The following CCDC102B variants were observed in gnomAD, a reference collection of about 807,000 sequenced individuals.
CCDC102B encodes the protein coiled-coil domain containing 102B, also known as coiled-coil domain-containing protein 102B.
A neutral mutation model predicts 57.4 loss-of-function variants in CCDC102B; 75 were observed. The observed-to-expected ratio is 1.31, with a 90% confidence interval of 1.08 to 1.58. The LOEUF (loss-of-function observed/expected upper bound fraction) is 1.58, where lower values mean the gene tolerates loss of function less well. CCDC102B is among the 40% of genes most tolerant of loss of function. CCDC102B has a pLI of 0.00. For synonymous variants in CCDC102B, 206 were observed against 201.9 expected (o/e 1.02, Z -0.17); for missense variants, 636 against 582.6 (o/e 1.09, Z -0.94).
At chr18:68,959,569 G>GC (rs1487397704) in intron 6 of CCDC102B, among the ~76,000 whole-genome samples, 1 of 152,096 alleles carries the variant, frequency 6.6e-6, no homozygotes, top group Non-Finnish European at 1.5e-5. Context: ...CTCTAGCCAG[G>GC]CTTGTGTCCT....
intron 6 of CCDC102B, among the ~76,000 whole-genome samples, chr18:68,911,568 C>G (rs12967566): frequency 2.1e-5 from 3 of 144,032 alleles, no homozygotes; most frequent in Non-Finnish European, 4.6e-5. Context: ...CTGGCTAACA[C>G]GGTGAAACCC....
At chr18:69,036,993 G>T (rs546126528) in intron 7 of CCDC102B, among the ~76,000 whole-genome samples, 1 of 140,826 alleles carries the variant, frequency 7.1e-6, no homozygotes, top group Admixed American at 7.3e-5. Context: ...GTTGTATGTT[G>T]TGTATGTGTA....
chr18:68,862,428 C>A (rs2038801116), intron 4 of CCDC102B, among the ~76,000 whole-genome samples: 5 of 152,066 alleles, frequency 3.3e-5, no homozygotes, highest in South Asian at 4.2e-4. Flanking sequence ...TTTAAAAAAA[C>A]CATTTGAATC....
chr18:68,940,024 A>G (rs2049337776), intron 6 of CCDC102B, among the ~76,000 whole-genome samples: 1 of 151,714 alleles, frequency 6.6e-6, no homozygotes, highest in African/African-American at 2.4e-5. Context: ...CATTTTTTCC[A>G]GGTCAAAATT....
chr18:69,043,703 T>C (rs1372517987), intron 7 of CCDC102B, among the ~76,000 whole-genome samples: 1 of 152,036 alleles, frequency 6.6e-6, no homozygotes, highest in African/African-American at 2.4e-5. Flanking sequence ...AGGTCATAGA[T>C]TAACAGAATC....
chr18:68,798,902 G>A lies in CCDC102B; in HGVS notation c.-16+721G>A, dbSNP rs142858891. On this transcript the variant is annotated intron_variant, in intron 1 of 7. Transcript: ENST00000360242. ...AGATAAATTATCAATTGAATGTCAA[G>A]TGAGTACATTTATTAAATATAAATA... Among the ~76,000 whole-genome samples, 623 of 152,134 alleles carry A rather than the reference G, an allele frequency of 4.1e-3. 9 individuals are homozygous for A. The highest frequency in any genetic ancestry group is 0.014 in the African/African-American group (581 of 41,532).
chr18:68,934,917 T>C (rs1385523495), intron 6 of CCDC102B, among the ~76,000 whole-genome samples: 1 of 151,928 alleles, frequency 6.6e-6, no homozygotes, highest in Non-Finnish European at 1.5e-5. Flanking sequence ...TTTGAGGACA[T>C]AGTATGCTGA....
intron 4 of CCDC102B, among the ~76,000 whole-genome samples, chr18:68,851,308 T>G (rs2038112849): frequency 6.6e-6 from 1 of 152,164 alleles, no homozygotes; most frequent in Non-Finnish European, 1.5e-5. Flanking sequence ...TGGGATGAAG[T>G]CTTATCCATT....
At chr18:69,016,827 A>G (rs1286189691) in intron 7 of CCDC102B, among the ~76,000 whole-genome samples, 1 of 152,136 alleles carries the variant, frequency 6.6e-6, no homozygotes, top group African/African-American at 2.4e-5. Context: ...TACATCGGGA[A>G]AAAAGTTTTC....
chr18:68,872,836 A>G (rs1271880472), intron 4 of CCDC102B, among the ~76,000 whole-genome samples: 1 of 152,084 alleles, frequency 6.6e-6, no homozygotes, highest in Non-Finnish European at 1.5e-5. Context: ...TTTTCCACTC[A>G]CAATGATGAA....
At chr18:69,048,730 C>T (rs1230417584) in intron 7 of CCDC102B, among the ~76,000 whole-genome samples, 3 of 151,918 alleles carry the variant, frequency 2.0e-5, no homozygotes, top group African/African-American at 7.3e-5. Context: ...ACTCCCCTCC[C>T]CCATACCCCT....
intron 6 of CCDC102B, among the ~76,000 whole-genome samples, chr18:68,966,920 G>T (rs895356015): frequency 6.6e-6 from 1 of 152,076 alleles, no homozygotes; most frequent in East Asian, 1.9e-4. Context: ...TACTGCTTTG[G>T]TTCCCTTTGG....
intron 2 of CCDC102B, among the ~76,000 whole-genome samples, chr18:68,751,168 G>A (rs191607908): frequency 6.6e-6 from 1 of 152,134 alleles, no homozygotes; most frequent in Non-Finnish European, 1.5e-5. Flanking sequence ...CAAGATTTAT[G>A]TTCTATAAAG....
chr18:68,980,277 C>A (rs1189363990), intron 6 of CCDC102B, among the ~76,000 whole-genome samples: 2 of 148,482 alleles, frequency 1.3e-5, no homozygotes, highest in Non-Finnish European at 3.0e-5. Flanking sequence ...TTTAAACATA[C>A]CTGAAGTTTC....
chr18:68,771,848 A>C (rs1037273035), intron 2 of CCDC102B, among the ~76,000 whole-genome samples: 2 of 147,804 alleles, frequency 1.4e-5, no homozygotes, highest in Non-Finnish European at 3.0e-5. Context: ...ATTTATGTAC[A>C]TATGAGTTGT....
intron 2 of CCDC102B, among the ~76,000 whole-genome samples, chr18:68,771,570 G>T (rs981838812): frequency 1.3e-5 from 2 of 152,168 alleles, no homozygotes; most frequent in African/African-American, 4.8e-5. Flanking sequence ...TATGAAAAAG[G>T]AAAGGATAAG....
chr18:68,975,494 A>G (rs142576428), intron 6 of CCDC102B, among the ~76,000 whole-genome samples: 74 of 152,156 alleles, frequency 4.9e-4, no homozygotes, highest in African/African-American at 1.6e-3. Context: ...CATGTCTCCA[A>G]TGATTGTTAT....
intron 6 of CCDC102B, among the ~76,000 whole-genome samples, chr18:69,001,575 C>T (rs4891718): frequency 0.86 from 130,297 of 151,904 alleles, 57,837 homozygotes; most frequent in Non-Finnish European, 0.97. Flanking sequence ...AAATACCAGG[C>T]TTACCCAGGA....
intron 7 of CCDC102B, among the ~76,000 whole-genome samples, chr18:69,014,068 A>C (rs771523639): frequency 1.8e-4 from 28 of 152,188 alleles, no homozygotes; most frequent in South Asian, 6.2e-4. Flanking sequence ...GGTAACTGTA[A>C]GTAGCTCAAA....
Sources: allele counts gnomAD v4.1 joint callset (sites outside exome capture counted in the v4.1 genomes callset), GRCh38; gene constraint gnomAD v4.1.1; transcripts MANE v1.5; gene names NCBI Gene and HGNC (gene_info 2026-07-23, HGNC 2026-07-21).